Variants in PRPSAP1 observed in about 807,000 individuals in gnomAD.
PRPSAP1 encodes the protein phosphoribosyl pyrophosphate synthase-associated protein 1.
In PRPSAP1, 31 loss-of-function variants were observed where a neutral mutation model predicts 39.4. The ratio of observed to expected loss-of-function variants is 0.79; its 90% CI spans 0.59 to 1.06. PRPSAP1 has a LOEUF of 1.06. Ranked by LOEUF, PRPSAP1 falls within the 50% of genes least tolerant of loss-of-function variation. PRPSAP1 has a pLI of 0.00. For missense variants in PRPSAP1, 430 were observed against 511.6 expected (o/e 0.84, Z 1.54); for synonymous variants, 212 against 192.6 (o/e 1.10, Z -0.83).
intron 3 of PRPSAP1, among the ~76,000 whole-genome samples, chr17:76,333,030 T>A (rs1379920386): frequency 6.6e-6 from 1 of 151,978 alleles, no homozygotes; most frequent in African/African-American, 2.4e-5. Flanking sequence ...TAGCTGGGAC[T>A]ACAGGCGCCC....
At chr17:76,344,841 T>C (rs1364150763) in intron 2 of PRPSAP1, 104 bp from the exon 3 acceptor site, 3 of 773,034 alleles carry the variant, frequency 3.9e-6, no homozygotes, top group Non-Finnish European at 6.3e-6. Flanking sequence ...GGCACATGCC[T>C]GTAATCCTAG....
At chr17:76,316,702 T>C (rs752002244) in intron 7 of PRPSAP1, among the ~76,000 whole-genome samples, 2 of 152,248 alleles carry the variant, frequency 1.3e-5, no homozygotes, top group Non-Finnish European at 2.9e-5. Context: ...GCAACATTAC[T>C]TGCGGCCAGA....
intron 1 of PRPSAP1, among the ~76,000 whole-genome samples, chr17:76,350,296 G>A (rs1478544249): frequency 2.6e-5 from 4 of 151,794 alleles, no homozygotes; most frequent in South Asian, 4.1e-4. Context: ...AAAATTAGCC[G>A]GGCGTGGTGG....
chr17:76,328,761 G>T lies in PRPSAP1; in HGVS notation c.737C>A (p.Pro246His). Reference protein sequence around the residue: ...LDMDDGRHSPPMVKNATVHPG... With the variant: ...LDMDDGRHSPHMVKNATVHPG... ...GTGCACAGTAGCATTTTTGACCATA[G>T]GCGGGGAGTGACGACCATCGTCCAT... Residue 246 changes from proline to histidine, a missense_variant, in exon 7 of 10, where the codon CCT (proline) becomes CAT (histidine). Transcript: ENST00000446526. 1 of 1,614,132 alleles carries T rather than the reference G, an allele frequency of 6.2e-7. No individual in the cohort carries two copies. Among genetic ancestry groups the T allele is most frequent in the East Asian group, 2.2e-5 (1 of 44,892 alleles).
intron 3 of PRPSAP1, among the ~76,000 whole-genome samples, chr17:76,342,085 C>T (rs2071445656): frequency 1.3e-5 from 2 of 152,086 alleles, no homozygotes; most frequent in South Asian, 4.2e-4. Context: ...CCCTCAATAC[C>T]ACAGGGCATG....
Position 76,353,869 on chromosome 17 carries a change from C to T in PRPSAP1, c.-166G>A. 1 of 1,330,622 alleles carries T rather than the reference C, an allele frequency of 7.5e-7. No homozygotes were observed. Among genetic ancestry groups the T allele is most frequent in the Non-Finnish European group, 9.6e-7 (1 of 1,045,780 alleles). 82.4% of individuals were successfully genotyped at this position (1,330,622 alleles called of 1,614,324 possible). The stretch of plus-strand genomic sequence containing the variant: ...GCGCACCCCACACCACTGACTACAG[C>T]GGCCGAGCCTTCGCAGCGCCCGGCG... On this transcript the variant is annotated 5_prime_UTR_variant, in exon 1 of 10. Transcript: ENST00000446526.
intron 8 of PRPSAP1, 183 bp from the exon 9 acceptor site, chr17:76,313,199 C>G: frequency 1.5e-6 from 1 of 654,352 alleles, no homozygotes; most frequent in Non-Finnish European, 2.4e-6. Flanking sequence ...CTGACAGTAC[C>G]TTGTGTGTCT....
At chr17:76,317,725 A>G (rs1418224622) in intron 7 of PRPSAP1, among the ~76,000 whole-genome samples, 4 of 152,168 alleles carry the variant, frequency 2.6e-5, no homozygotes, top group African/African-American at 4.8e-5. Flanking sequence ...AAGCCAGGAA[A>G]AGCGAGCCAG....
At position 76,310,750 on chromosome 17, in the gene PRPSAP1, G is replaced by A. The variant is rs1372079144; in HGVS notation, c.*792C>T. ...CTCCCAAAGTACTCAGATTATAGGT[G>A]TGAGCCACCACACCTAGACTTTTTT... On this transcript the variant is annotated 3_prime_UTR_variant, in exon 10 of 10. Coordinates refer to ENST00000446526, the MANE Select transcript of PRPSAP1 (RefSeq NM_002766.3). The A allele has an allele frequency of 6.6e-6, 1 of 151,184 alleles. No individual in the cohort carries two copies. The highest frequency in any genetic ancestry group is 2.4e-5 in the African/African-American group (1 of 41,048). The allele number at this position is 151,184 out of a possible 1,614,324, so 9.4% of individuals were successfully genotyped here.
Position 76,345,985 on chromosome 17 carries a change from G to C in PRPSAP1, c.224-1248C>G, listed in dbSNP as rs191323943. 1,927 of 474,846 alleles carry C rather than the reference G, an allele frequency of 4.1e-3. 36 individuals carry two copies. The highest frequency in any genetic ancestry group is 0.036 in the African/African-American group (1,794 of 49,304). The allele number at this position is 474,846 out of a possible 1,614,324, so 29.4% of individuals were successfully genotyped here. A position where few individuals can be genotyped will look rare whatever the true frequency, so the allele number is the denominator to read the frequency against. ...GGCCTAAAAAGGCCACTGCAAAGAA[G>C]GGAGAGAAGGTACCCAAGGGAAAAA... On this transcript the variant is annotated intron_variant, in intron 2 of 9. Coordinates refer to ENST00000446526, the MANE Select transcript of PRPSAP1 (RefSeq NM_002766.3).
chr17:76,335,080 C>A (rs1011728949), intron 3 of PRPSAP1, among the ~76,000 whole-genome samples: 1 of 152,148 alleles, frequency 6.6e-6, no homozygotes, highest in Non-Finnish European at 1.5e-5. Context: ...GGTCCCCTTC[C>A]CAGAGACTCT....
At chr17:76,346,874 C>T (rs112878761) in intron 2 of PRPSAP1, among the ~76,000 whole-genome samples, 2,938 of 151,738 alleles carry the variant, frequency 0.019, 90 homozygotes, top group African/African-American at 0.068. Context: ...CCAGCCCGGG[C>T]GACATCCTTA....
intron 3 of PRPSAP1, among the ~76,000 whole-genome samples, chr17:76,341,160 C>G (rs1371187313): frequency 2.6e-5 from 4 of 151,754 alleles, no homozygotes; most frequent in Admixed American, 2.0e-4. Context: ...CAGTCTTTTC[C>G]TGGAGAAGTC....
intron 1 of PRPSAP1, among the ~76,000 whole-genome samples, chr17:76,351,311 T>C (rs2071567387): frequency 6.6e-6 from 1 of 151,830 alleles, no homozygotes; most frequent in Admixed American, 6.6e-5. Context: ...GGTCAGGAGA[T>C]TGAGACCAAC....
chr17:76,323,709 GTTTT>G (rs897021574), intron 7 of PRPSAP1, among the ~76,000 whole-genome samples: 20 of 151,108 alleles, frequency 1.3e-4, no homozygotes, highest in African/African-American at 4.6e-4. Flanking sequence ...AGCAAAGAAG[GTTTT>G]TTGTTTTTTT....
intron 3 of PRPSAP1, 143 bp from the exon 4 acceptor site, chr17:76,332,578 T>C: frequency 2.1e-6 from 2 of 941,312 alleles, no homozygotes; most frequent in Middle Eastern, 2.7e-4. Context: ...TGGCACCTCA[T>C]GAAGGCAGGG....
intron 7 of PRPSAP1, among the ~76,000 whole-genome samples, chr17:76,318,137 G>C (rs942313101): frequency 1.3e-5 from 2 of 152,204 alleles, no homozygotes; most frequent in South Asian, 4.2e-4. Flanking sequence ...CTCACCCATG[G>C]GCAAGAAGTA....
intron 3 of PRPSAP1, among the ~76,000 whole-genome samples, chr17:76,341,225 C>CT (rs1227950670): frequency 4.9e-5 from 6 of 122,110 alleles, no homozygotes; most frequent in South Asian, 2.6e-4. Context: ...AACAATTTGA[C>CT]TTTTTTTTGT....
chr17:76,350,222 G>A (rs1220071353), intron 1 of PRPSAP1, among the ~76,000 whole-genome samples: 2 of 151,460 alleles, frequency 1.3e-5, no homozygotes, highest in Admixed American at 6.6e-5. Flanking sequence ...GGCGGATCAC[G>A]AGGTCAGGAG....
Sources: allele counts gnomAD v4.1 joint callset (sites outside exome capture counted in the v4.1 genomes callset), GRCh38; gene constraint gnomAD v4.1.1; transcripts MANE v1.5; gene names NCBI Gene and HGNC (gene_info 2026-07-23, HGNC 2026-07-21).